APOB: variants seen among roughly 807,000 people sequenced by gnomAD.
The protein encoded by APOB is apolipoprotein B-100.
A neutral mutation model predicts 314.1 loss-of-function variants in APOB; 153 were observed. The observed-to-expected ratio is 0.49, with a 90% CI of 0.43 to 0.56. The LOEUF is 0.56. Among genes scored for constraint, APOB ranks in the 20% least tolerant of loss-of-function variants. APOB has a pLI of 0.00. For missense variants in APOB, 5,430 were observed against 5,350.7 expected, an observed-to-expected ratio of 1.01 and a Z score of -0.46; for synonymous variants, 2,087 against 2,036.4, an observed-to-expected ratio of 1.02 and a Z score of -0.67.
chr2:21,005,708 G>A lies in APOB; in HGVS notation c.11160C>T (p.Ser3720=), dbSNP rs1663112712. The A allele has an allele frequency of 1.2e-6, 2 of 1,613,854 alleles. No individual in the cohort carries two copies. Among genetic ancestry groups the A allele is most frequent in the South Asian group, 2.2e-5 (2 of 91,072 alleles). ...TATCAGCCAAAACTTTTACAGGGAT[G>A]GAGAATGAATAGCCATTGGGGTTTT... The part of the protein sequence containing the change: ...YTKNPNGYSF[S]IPVKVLADKF... Residue 3720 remains serine (S), a synonymous_variant, in exon 26 of 29, where the codon TCC becomes TCT. Coordinates refer to ENST00000233242, the MANE Select transcript of APOB (RefSeq NM_000384.3).
chr2:21,003,810 G>T (rs1397484027), intron 28 of APOB, among the ~76,000 whole-genome samples: 4 of 152,162 alleles, frequency 2.6e-5, no homozygotes, highest in Admixed American at 2.0e-4. Context: ...AACCATGTTT[G>T]GTCTTCTCCT....
At chr2:21,034,361 GA>G (rs1184692406) in intron 8 of APOB, among the ~76,000 whole-genome samples, 3 of 152,220 alleles carry the variant, frequency 2.0e-5, no homozygotes, top group Non-Finnish European at 4.4e-5. Flanking sequence ...TAATGTACAA[GA>G]AGGAATTTGG....
Position 21,006,494 on chromosome 2 carries a change from C to T in APOB, c.10374G>A (p.Met3458Ile). ...TKSKPTVSSSMEFKYDFNSSM... is the reference protein window; with the variant it reads ...TKSKPTVSSSIEFKYDFNSSM... Reference sequence around the variant, plus strand: ...AAGAATTGAAATCATACTTAAATTCCATGGAGGAAGAGACAGTAGGTTTTG... The same window carrying T: ...AAGAATTGAAATCATACTTAAATTCTATGGAGGAAGAGACAGTAGGTTTTG... Residue 3458 changes from methionine (M) to isoleucine (I), a missense_variant, in exon 26 of 29, where the codon ATG (methionine) becomes ATA (isoleucine). Coordinates refer to ENST00000233242, the MANE Select transcript of APOB (RefSeq NM_000384.3). The T allele has an allele frequency of 6.2e-7, 1 of 1,614,070 alleles. No individual in the cohort carries two copies. Among genetic ancestry groups the T allele is most frequent in the Non-Finnish European group, 8.5e-7 (1 of 1,179,958 alleles).
Position 21,012,236 on chromosome 2 carries a change from G to A in APOB, c.4632C>T (p.Leu1544=), listed in dbSNP as rs746302721. The A allele has an allele frequency of 6.2e-7, 1 of 1,610,846 alleles. No homozygotes were observed. Among genetic ancestry groups the A allele is most frequent in the African/African-American group, 1.3e-5 (1 of 74,984 alleles). Residue 1544 remains leucine (L), a synonymous_variant, in exon 26 of 29, where the codon CTC becomes CTT. Transcript: ENST00000233242. ...TGRYEDGTLS[L]TSTSDLQSGI... is the part of the protein sequence containing the mutation. Reference sequence around the variant, plus strand: ...CACTTTGCAGATCAGAGGTGGAGGTGAGGGAGAGGGTTCCATCTTCATATC... The same window carrying A: ...CACTTTGCAGATCAGAGGTGGAGGTAAGGGAGAGGGTTCCATCTTCATATC...
chr2:21,032,672 T>A, intron 9 of APOB, 91 bp from the exon 10 acceptor site: 2 of 990,256 alleles, frequency 2.0e-6, no homozygotes, highest in Non-Finnish European at 3.1e-6. Context: ...GGAGAGCCCT[T>A]AATCACCTCA....
chr2:21,036,777 C>T (rs1227022214), intron 6 of APOB, among the ~76,000 whole-genome samples: 1 of 152,114 alleles, frequency 6.6e-6, no homozygotes, highest in Admixed American at 6.5e-5. Flanking sequence ...ACATCCATCC[C>T]CGGAACCTTC....
chr2:21,040,827 T>C (rs1267959649), intron 4 of APOB, 111 bp downstream of exon 4: 1 of 1,236,616 alleles, frequency 8.1e-7, no homozygotes, highest in Admixed American at 1.8e-5. Context: ...TGATCCACGA[T>C]GGATACGGAA....
At position 21,028,453 on chromosome 2, in the gene APOB, C is replaced by T; in HGVS notation, c.1703G>A (p.Ser568Asn). ...TTTGTTAATATCTGCCTGTGAAGGA[C>T]TCCTCATCAACATAAGATAGGCAGC... ...RLAAYLMLMR[S>N]PSQADINKIV... is the part of the protein sequence containing the mutation. Residue 568 changes from serine to asparagine, a missense_variant, in exon 13 of 29, where the codon AGT becomes AAT. Ser to Asn is a conservative substitution (Grantham distance 46). Around this residue, in one of 3 missense-constraint regions of APOB, gnomAD observed 2,085 missense variants for 2,079.7 expected, o/e 1.00. Coordinates refer to ENST00000233242, the MANE Select transcript of APOB (RefSeq NM_000384.3). 1 of 1,613,976 alleles carries T rather than the reference C, an allele frequency of 6.2e-7. No individual in the cohort carries two copies. Among genetic ancestry groups the T allele is most frequent in the Non-Finnish European group, 8.5e-7 (1 of 1,179,886 alleles).
intron 9 of APOB, 47 bp downstream of exon 9, chr2:21,033,252 C>A: frequency 1.3e-6 from 2 of 1,490,128 alleles, no homozygotes; most frequent in South Asian, 2.3e-5. Context: ...AAAGTTCAGT[C>A]AGTTACCATC....
rs755251454 is a variant in APOB, at chr2:21,001,934, T to C, written c.13488A>G (p.Arg4496=). The C allele has an allele frequency of 2.8e-5, 46 of 1,614,058 alleles. No individual in the cohort carries two copies. In the Middle Eastern group the frequency reaches 4.9e-4, roughly 17 times the overall value. ...KIISDYHQQF[R]YKLQDFSDQL... is the part of the protein sequence containing the mutation. ...GGTCTGAAAAATCTTGCAGTTTATATCTAAACTGCTGGTGGTAATCAGAAA... is the reference window on the plus strand; with the variant it reads ...GGTCTGAAAAATCTTGCAGTTTATACCTAAACTGCTGGTGGTAATCAGAAA... Residue 4496 remains arginine (R), a synonymous_variant, in exon 29 of 29, where the codon AGA becomes AGG. Transcript: ENST00000233242.
chr2:21,012,018 C>T lies in APOB; in HGVS notation c.4850G>A (p.Gly1617Glu), dbSNP rs146341569. 39 of 1,614,026 alleles carry T rather than the reference C, an allele frequency of 2.4e-5. No individual in the cohort carries two copies. The highest frequency in any genetic ancestry group is 6.6e-5 in the South Asian group (6 of 91,080). The change falls in exon 26 of 29, where the codon GGA becomes GAA. Residue 1617 changes from glycine (G) to glutamate (E), a missense_variant. Transcript: ENST00000233242. Reference protein sequence around the residue: ...ESLRFFSLLSGSLNSHGLELN... With the variant: ...ESLRFFSLLSESLNSHGLELN... The stretch of plus-strand genomic sequence containing the variant: ...CTCAAGACCATGGGAATTTAGTGAT[C>T]CAGAAAGCAGGCTGAAGAACCTCAA...
In APOB at chr2:21,009,857, G is replaced by A. The variant is rs776099551; in HGVS notation, c.7011C>T (p.Phe2337=). Residue 2337 remains phenylalanine (F), a synonymous_variant, in exon 26 of 29, where the codon TTC becomes TTT. Transcript: ENST00000233242. The part of the protein sequence containing the change: ...DFEVAEKINA[F]RAKVHELIER... ...CGATTAACTCATGGACTTTGGCTCTGAAGGCATTGATTTTCTCAGCTACTT... is the reference window on the plus strand; with the variant it reads ...CGATTAACTCATGGACTTTGGCTCTAAAGGCATTGATTTTCTCAGCTACTT... 4 of 1,613,880 alleles carry A rather than the reference G, an allele frequency of 2.5e-6. No homozygotes were observed. In the Admixed American group the frequency reaches 5.0e-5, roughly 20 times the overall value.
rs768488788 is a variant in APOB, at chr2:21,009,314, A to G, written c.7554T>C (p.Asp2518=). The G allele has an allele frequency of 1.2e-6, 2 of 1,613,994 alleles. No individual in the cohort carries two copies. Among genetic ancestry groups the G allele is most frequent in the Admixed American group, 3.3e-5 (2 of 59,996 alleles). ...MKAKFRETLE[D]TRDRMYQMDI... is the part of the protein sequence containing the mutation. ...CCATTTGATACATTCGGTCTCGTGT[A>G]TCTTCTAGGGTCTCTCGGAATTTGG... Residue 2518 remains aspartate, a synonymous_variant, in exon 26 of 29, where the codon GAT becomes GAC. Transcript: ENST00000233242.
In APOB at chr2:21,006,444, C is replaced by T. The variant is rs1388847692; in HGVS notation, c.10424G>A (p.Gly3475Glu). The T allele has an allele frequency of 6.2e-7, 1 of 1,613,954 alleles. No individual in the cohort carries two copies. Among genetic ancestry groups the T allele is most frequent in the African/African-American group, 1.3e-5 (1 of 74,914 alleles). ...NSSMLYSTAKGAVDHKLSLES... is the reference protein window; with the variant it reads ...NSSMLYSTAKEAVDHKLSLES... ...CAAGCTAAGCTTGTGGTCAACTGCT[C>T]CTTTAGCGGTAGAGTACAGCATTGA... Residue 3475 changes from glycine to glutamate, a missense_variant, in exon 26 of 29, where the codon GGA (glycine) becomes GAA (glutamate). Physicochemically the swap from Gly to Glu is moderately conservative, Grantham distance 98 (BLOSUM62 -2). Around this residue, in one of 3 missense-constraint regions of APOB, gnomAD observed 3,281 missense variants for 3,171.0 expected, o/e 1.03. Coordinates refer to ENST00000233242, the MANE Select transcript of APOB (RefSeq NM_000384.3).
intron 6 of APOB, 23 bp downstream of exon 6, chr2:21,037,077 G>A (rs1337612140): frequency 8.7e-6 from 14 of 1,613,924 alleles, no homozygotes; most frequent in Admixed American, 3.3e-5. Context: ...TGCTGTGCAC[G>A]ACAGTGCTGA....
Position 21,009,127 on chromosome 2 carries a change from C to T in APOB, c.7741G>A (p.Val2581Ile). The change falls in exon 26 of 29, where the codon GTA (valine) becomes ATA (isoleucine). Residue 2581 changes from valine to isoleucine, a missense_variant. Physicochemically the swap from Val to Ile is conservative, Grantham distance 29 (BLOSUM62 3). Coordinates refer to ENST00000233242, the MANE Select transcript of APOB (RefSeq NM_000384.3). Reference sequence around the variant, plus strand: ...TCAGGAACAGTGAACCCTTGCTCTACCAATGCTTTCATACGTTTAGCCCAA... The same window carrying T: ...TCAGGAACAGTGAACCCTTGCTCTATCAATGCTTTCATACGTTTAGCCCAA... ...QDWAKRMKAL[V>I]EQGFTVPEIK... is the part of the protein sequence containing the mutation. 1 of 1,614,034 alleles carries T rather than the reference C, an allele frequency of 6.2e-7. No homozygotes were observed. The highest frequency in any genetic ancestry group is 8.5e-7 in the Non-Finnish European group (1 of 1,179,944).
chr2:21,019,225 A>T, intron 19 of APOB, 112 bp from the exon 20 acceptor site: 1 of 1,360,898 alleles, frequency 7.3e-7, no homozygotes, highest in East Asian at 2.3e-5. Context: ...CCTTATTTTA[A>T]CATTGTCTCT....
intron 10 of APOB, 34 bp downstream of exon 10, chr2:21,032,320 C>T (rs1663899265): frequency 6.3e-7 from 1 of 1,585,834 alleles, no homozygotes. Flanking sequence ...TGTTCCTCTG[C>T]TCCTAGGAGG....
At position 21,009,968 on chromosome 2, in the gene APOB, T is replaced by A. The variant is rs745363709; in HGVS notation, c.6900A>T (p.Gln2300His). 3 of 1,613,834 alleles carry A rather than the reference T, an allele frequency of 1.9e-6. No individual in the cohort carries two copies. Among genetic ancestry groups the A allele is most frequent in the East Asian group, 4.5e-5 (2 of 44,844 alleles). Residue 2300 changes from glutamine to histidine, a missense_variant, in exon 26 of 29, where the codon CAA becomes CAT. Gln to His is a conservative substitution (Grantham distance 24). Coordinates refer to ENST00000233242, the MANE Select transcript of APOB (RefSeq NM_000384.3). ...EAIDVRVLLD[Q>H]LGTTISFERI... ...TTTCAAATGAAATTGTAGTTCCCAATTGATCTAAAAGCACTCTAACATCAA... is the reference window on the plus strand; with the variant it reads ...TTTCAAATGAAATTGTAGTTCCCAAATGATCTAAAAGCACTCTAACATCAA...
Sources: gnomAD v4.1 joint callset for allele counts (sites outside exome capture counted in the v4.1 genomes callset) on GRCh38, gnomAD v4.1.1 for gene constraint, gnomAD v4.1.1 regional missense constraint, MANE v1.5 for transcripts, NCBI Gene and HGNC (gene_info 2026-07-23, HGNC 2026-07-21) for gene names.